TOX: variants seen among roughly 807,000 people sequenced by gnomAD.
TOX encodes thymocyte selection-associated high mobility group box protein TOX.
Under a neutral mutation model 53.7 loss-of-function variants are expected in TOX, and 11 were observed. The observed-to-expected ratio is 0.20, with a 90% CI of 0.13 to 0.34. TOX has a LOEUF of 0.34. Among genes scored for constraint, TOX ranks in the 10% least tolerant of loss-of-function variants. The pLI, the probability that TOX is intolerant of heterozygous loss-of-function variation, is 1.00. For missense variants in TOX, 570 were observed against 664.6 expected, an observed-to-expected ratio of 0.86 and a Z score of 1.56; for synonymous variants, 225 against 245.3, an observed-to-expected ratio of 0.92 and a Z score of 0.77.
intron 1 of TOX, among the ~76,000 whole-genome samples, chr8:59,070,938 G>A (rs574812683): frequency 6.6e-6 from 1 of 152,226 alleles, no homozygotes; most frequent in South Asian, 2.1e-4. Flanking sequence ...GTACGATAGA[G>A]AAATGAATCA....
intron 4 of TOX, among the ~76,000 whole-genome samples, chr8:58,847,847 A>G (rs1017190675): frequency 2.6e-5 from 4 of 152,116 alleles, no homozygotes; most frequent in Non-Finnish European, 5.9e-5. Flanking sequence ...AAATAATATA[A>G]TATCTTCAAA....
chr8:58,856,658 A>G (rs550997307), intron 3 of TOX, among the ~76,000 whole-genome samples: 2 of 152,142 alleles, frequency 1.3e-5, no homozygotes, highest in African/African-American at 2.4e-5. Context: ...CTTTGCAGCT[A>G]TGCATGGCCC....
At chr8:59,081,960 C>T (rs1366288) in intron 1 of TOX, among the ~76,000 whole-genome samples, 45,719 of 152,014 alleles carry the variant, frequency 0.3, 11,100 homozygotes, top group African/African-American at 0.67. Context: ...TCGTTAAGTA[C>T]TTATAAAGGG....
chr8:58,823,391 T>C (rs1810313016), intron 6 of TOX, among the ~76,000 whole-genome samples: 1 of 152,104 alleles, frequency 6.6e-6, no homozygotes, highest in Admixed American at 6.5e-5. Context: ...GCTCAGCTAA[T>C]TTTTGTAATT....
intron 1 of TOX, among the ~76,000 whole-genome samples, chr8:59,014,161 G>A (rs1813966136): frequency 6.6e-6 from 1 of 152,290 alleles, no homozygotes; most frequent in Non-Finnish European, 1.5e-5. Context: ...ACTATTATCA[G>A]TATATTGAAA....
chr8:58,932,362 CT>C (rs1383957616), intron 3 of TOX, among the ~76,000 whole-genome samples: 1 of 149,840 alleles, frequency 6.7e-6, no homozygotes, highest in Non-Finnish European at 1.5e-5. Context: ...CATCATTTTT[CT>C]TCTGTTAAAG....
At chr8:59,086,532 A>C (rs577540522) in intron 1 of TOX, among the ~76,000 whole-genome samples, 2 of 152,344 alleles carry the variant, frequency 1.3e-5, no homozygotes, top group East Asian at 1.9e-4. Flanking sequence ...TAAGTCACTA[A>C]GATTAAAAAA....
At chr8:59,101,251 C>G (rs1352645394) in intron 1 of TOX, among the ~76,000 whole-genome samples, 2 of 152,184 alleles carry the variant, frequency 1.3e-5, no homozygotes, top group South Asian at 2.1e-4. Context: ...AGATTATTAC[C>G]TCTGTAAGTA....
intron 1 of TOX, among the ~76,000 whole-genome samples, chr8:59,021,601 C>T (rs1415135666): frequency 6.7e-6 from 1 of 150,128 alleles, no homozygotes; most frequent in Non-Finnish European, 1.5e-5. Context: ...AAAGGAAAGT[C>T]TCTACAGGAC....
At chr8:58,996,944 G>A (rs902333942) in intron 1 of TOX, among the ~76,000 whole-genome samples, 2 of 152,136 alleles carry the variant, frequency 1.3e-5, no homozygotes, top group African/African-American at 4.8e-5. Context: ...TTCCTCTAGA[G>A]GTTTGTTTCA....
chr8:58,934,488 G>C (rs1177626667), intron 3 of TOX, among the ~76,000 whole-genome samples: 1 of 152,108 alleles, frequency 6.6e-6, no homozygotes, highest in Non-Finnish European at 1.5e-5. Context: ...AACATGATGA[G>C]ATTAAACAAG....
chr8:58,875,272 T>C (rs1470092136), intron 3 of TOX, among the ~76,000 whole-genome samples: 1 of 152,218 alleles, frequency 6.6e-6, no homozygotes, highest in Non-Finnish European at 1.5e-5. Context: ...TCTAACATGA[T>C]TGGCAAGAAT....
At chr8:59,020,075 C>T (rs950233468) in intron 1 of TOX, among the ~76,000 whole-genome samples, 1 of 152,162 alleles carries the variant, frequency 6.6e-6, no homozygotes, top group African/African-American at 2.4e-5. Flanking sequence ...TTCTACAATG[C>T]TAGTTTTCAA....
chr8:59,011,508 C>T (rs1168150209), intron 1 of TOX, among the ~76,000 whole-genome samples: 1 of 152,186 alleles, frequency 6.6e-6, no homozygotes, highest in African/African-American at 2.4e-5. Context: ...AGTTGCAAAA[C>T]TCAGCAAATG....
At chr8:58,885,863 A>G (rs1200779481) in intron 3 of TOX, among the ~76,000 whole-genome samples, 1 of 152,160 alleles carries the variant, frequency 6.6e-6, no homozygotes, top group African/African-American at 2.4e-5. Flanking sequence ...TGTACACATA[A>G]TATATCCTGA....
At chr8:58,941,565 A>G (rs544326167) in intron 2 of TOX, among the ~76,000 whole-genome samples, 2 of 152,286 alleles carry the variant, frequency 1.3e-5, no homozygotes, top group East Asian at 1.9e-4. Context: ...CCAACACCCA[A>G]CTGTTTCCAA....
Position 58,851,477 on chromosome 8 carries a change from TGC to T in TOX, c.693+45_693+46del. 1 of 1,595,900 alleles carries T rather than the reference TGC, an allele frequency of 6.3e-7. No individual in the cohort carries two copies. The highest frequency in any genetic ancestry group is 1.7e-5 in the Admixed American group (1 of 59,502). Reference sequence around the variant, plus strand: ...TGTACCCAGCACAGGTCAAAGAAGGTGCCTAAGAATAGTCTCCCATAGGTCCT... The same window carrying T: ...TGTACCCAGCACAGGTCAAAGAAGGTCTAAGAATAGTCTCCCATAGGTCCT... On this transcript the variant is annotated intron_variant, in intron 4 of 8. Transcript: ENST00000361421. This position sits in a 1 kb window ranked among gnomAD's most constrained non-coding sequence, Gnocchi z 4.4.
intron 1 of TOX, among the ~76,000 whole-genome samples, chr8:59,069,901 G>A (rs1233721741): frequency 6.6e-6 from 1 of 152,194 alleles, no homozygotes; most frequent in Non-Finnish European, 1.5e-5. Flanking sequence ...GGCCTAAGAA[G>A]TGTGAAGGGC....
rs758939869 is a variant in TOX at position 58,815,662 on chromosome 8, C to T, written c.1068G>A (p.Pro356=). 26 of 1,613,924 alleles carry T rather than the reference C, an allele frequency of 1.6e-5. No homozygotes were observed. The highest frequency in any genetic ancestry group is 2.0e-5 in the Non-Finnish European group (24 of 1,179,992). Residue 356 remains proline (P), a synonymous_variant, in exon 7 of 9, where the codon CCG becomes CCA. Transcript: ENST00000361421. ...SQPPQLINSK[P]SVFHGPSQAH... ...CCTGGCTGGGCCCATGGAACACCGA[C>T]GGCTTCGAATTGATCAGCTGAGGAG...
Sources: allele counts gnomAD v4.1 joint callset (sites outside exome capture counted in the v4.1 genomes callset), GRCh38; gene constraint gnomAD v4.1.1; non-coding constraint Gnocchi (gnomAD v3.1); transcripts MANE v1.5; gene names NCBI Gene and HGNC (gene_info 2026-07-23, HGNC 2026-07-21).